DNM2: variants seen among roughly 807,000 people sequenced by gnomAD.
The protein encoded by DNM2 is dynamin 2, also known as dynamin-2.
DNM2 carries 15 observed loss-of-function variants against 99.0 expected under a neutral mutation model. The ratio of observed to expected loss-of-function variants is 0.15; its 90% confidence interval spans 0.10 to 0.23. The LOEUF (loss-of-function observed/expected upper bound fraction) is 0.23. Among genes scored for constraint, DNM2 ranks in the 10% least tolerant of loss-of-function variants. The pLI is 1.00. For missense variants in DNM2, 742 were observed against 1,189.4 expected (o/e 0.62, Z 5.53); for synonymous variants, 525 against 481.2 (o/e 1.09, Z -1.19).
chr19:10,745,603 A>C (rs2069937333), intron 1 of DNM2, among the ~76,000 whole-genome samples: 3 of 152,162 alleles, frequency 2.0e-5, no homozygotes, highest in Admixed American at 2.0e-4. Flanking sequence ...AGGCTGAGGG[A>C]GGAGGATCGC....
chr19:10,831,305 A>G lies in DNM2; in HGVS notation c.*258A>G. 1 of 1,264,266 alleles carries G rather than the reference A, an allele frequency of 7.9e-7. No homozygotes were observed. The highest frequency in any genetic ancestry group is 1.0e-6 in the Non-Finnish European group (1 of 1,004,578). 78.3% of individuals were successfully genotyped at this position (1,264,266 alleles called of 1,614,324 possible). ...GGGGGATGGAGTCTCAGGGTGGCAGAGGGGGGACCAGAACCCTTGACACCA... is the reference window on the plus strand; with the variant it reads ...GGGGGATGGAGTCTCAGGGTGGCAGGGGGGGGACCAGAACCCTTGACACCA... On this transcript the variant is annotated 3_prime_UTR_variant, in exon 21 of 21. Coordinates refer to ENST00000389253, the MANE Select transcript of DNM2 (RefSeq NM_001005361.3). This position sits in a 1 kb window ranked among gnomAD's most constrained non-coding sequence, Gnocchi z 4.3.
chr19:10,734,342 CAAA>C (rs752387265), intron 1 of DNM2, among the ~76,000 whole-genome samples: 9 of 92,292 alleles, frequency 9.8e-5, no homozygotes, highest in Admixed American at 1.2e-4. Context: ...GACTCTGTCT[CAAA>C]AAAAAAAAAA....
At chr19:10,782,907 G>A in intron 5 of DNM2, 53 bp from the exon 6 acceptor site, 1 of 1,613,050 alleles carries the variant, frequency 6.2e-7, no homozygotes, top group Non-Finnish European at 8.5e-7. Flanking sequence ...CCCCGTGCCA[G>A]GTCCACTTGG....
In DNM2 at chr19:10,829,050, C is replaced by T. The variant is rs1488935368; in HGVS notation, c.2073C>T (p.Ile691=). Residue 691 remains isoleucine, a synonymous_variant, in exon 19 of 21, where the codon ATC becomes ATT. Transcript: ENST00000389253. ...CCTGCCCGCAGACGAAGGCCTTCAT[C>T]CACCACGAGCTGCTGGCCTACCTAT... is the stretch of plus-strand genomic sequence containing the variant. ...HLMINNTKAF[I]HHELLAYLYS... is the part of the protein sequence containing the mutation. 1 of 1,613,262 alleles carries T rather than the reference C, an allele frequency of 6.2e-7. No individual in the cohort carries two copies. Among genetic ancestry groups the T allele is most frequent in the Non-Finnish European group, 8.5e-7 (1 of 1,179,800 alleles).
intron 7 of DNM2, among the ~76,000 whole-genome samples, chr19:10,787,737 C>T (rs8107372): frequency 0.56 from 80,861 of 144,404 alleles, 22,683 homozygotes; most frequent in Admixed American, 0.61. Flanking sequence ...CCTGGGTGAT[C>T]GAGCAAGACT....
chr19:10,751,672 C>A (rs755640263), intron 1 of DNM2, among the ~76,000 whole-genome samples: 1 of 152,214 alleles, frequency 6.6e-6, no homozygotes, highest in Non-Finnish European at 1.5e-5. Context: ...GAAGCAAAAT[C>A]GGATAAGTCC....
chr19:10,724,957 C>T (rs1380657506), intron 1 of DNM2, among the ~76,000 whole-genome samples: 1 of 152,240 alleles, frequency 6.6e-6, no homozygotes, highest in Non-Finnish European at 1.5e-5. Flanking sequence ...GGGGCACTGC[C>T]TGTGCCTCAG....
rs1191136671 is a variant in DNM2, at chr19:10,796,858, G to A, written c.1197-522G>A. Among the ~76,000 whole-genome samples the A allele has an allele frequency of 6.6e-6, 1 of 152,082 alleles. No homozygotes were observed. The highest frequency in any genetic ancestry group is 1.9e-4 in the East Asian group (1 of 5,160). On this transcript the variant is annotated intron_variant, in intron 9 of 20. Coordinates refer to ENST00000389253, the MANE Select transcript of DNM2 (RefSeq NM_001005361.3). This position sits in a 1 kb window ranked among gnomAD's most constrained non-coding sequence, Gnocchi z 5.6. ...AACCCGCGCCAACGCCGCGGGCCTGGTTCCCAGGGCAGCACGCTTTGGCCA... is the reference window on the plus strand; with the variant it reads ...AACCCGCGCCAACGCCGCGGGCCTGATTCCCAGGGCAGCACGCTTTGGCCA...
At position 10,805,940 on chromosome 19, in the gene DNM2, GAAC is replaced by G; in HGVS notation, c.1521_1523del (p.Asn507del). 1 of 1,614,120 alleles carries G rather than the reference GAAC, an allele frequency of 6.2e-7. No homozygotes were observed. Among genetic ancestry groups the G allele is most frequent in the Non-Finnish European group, 8.5e-7 (1 of 1,180,026 alleles). ...GTGCCCAGCAGAGGAGCACGCAGCTGAACAAGAAGAGAGCCATCCCCAATCAGG... is the reference window on the plus strand; with the variant it reads ...GTGCCCAGCAGAGGAGCACGCAGCTGAAGAAGAGAGCCATCCCCAATCAGG... On this transcript the variant is annotated inframe_deletion, in exon 13 of 21. Transcript: ENST00000389253.
rs926636484 is a variant in DNM2, at chr19:10,759,940, T to C, written c.235+129T>C. Reference sequence around the variant, plus strand: ...GGACATTGAATTCACGTGTTCCACATGTGTGAGGAAATTGAAAAACGGCTC... The same window carrying C: ...GGACATTGAATTCACGTGTTCCACACGTGTGAGGAAATTGAAAAACGGCTC... On this transcript the variant is annotated intron_variant, in intron 2 of 20. Coordinates refer to ENST00000389253, the MANE Select transcript of DNM2 (RefSeq NM_001005361.3). 1.0e-5 allele frequency: 13 copies of C among 1,294,196 alleles called. No individual in the cohort carries two copies. In the African/African-American group the frequency reaches 1.8e-4, roughly 17 times the overall value. 80.2% of individuals were successfully genotyped at this position (1,294,196 alleles called of 1,614,324 possible). A position where few individuals can be genotyped will look rare whatever the true frequency, so the allele number is the denominator to read the frequency against.
At chr19:10,824,093 C>T (rs529758599) in intron 17 of DNM2, 194 bp downstream of exon 17, 21 of 604,832 alleles carry the variant, frequency 3.5e-5, no homozygotes, top group African/African-American at 1.7e-4. Context: ...AGTTCCCTCA[C>T]GGAAGCCAGT....
In DNM2 at chr19:10,820,167, C is replaced by T; in HGVS notation, c.1781+78C>T. 1 of 1,388,152 alleles carries T rather than the reference C, an allele frequency of 7.2e-7. No individual in the cohort carries two copies. Among genetic ancestry groups the T allele is most frequent in the Non-Finnish European group, 1.0e-6 (1 of 978,152 alleles). 86.0% of individuals were successfully genotyped at this position (1,388,152 alleles called of 1,614,324 possible). ...TTCACACTCCACAACCTTCACTGAGCACTGAGCACCTGGCTGTCAGCAGTC... is the reference window on the plus strand; with the variant it reads ...TTCACACTCCACAACCTTCACTGAGTACTGAGCACCTGGCTGTCAGCAGTC... On this transcript the variant is annotated intron_variant, in intron 16 of 20. Transcript: ENST00000389253. The surrounding 1 kb of genome is among the most constrained non-coding windows in gnomAD (Gnocchi z 4.3).
intron 11 of DNM2, among the ~76,000 whole-genome samples, chr19:10,799,534 GTT>G (rs897961120): frequency 1.3e-4 from 14 of 106,502 alleles, no homozygotes; most frequent in African/African-American, 2.2e-4. Context: ...GTGGTTTTTT[GTT>G]TTTTTTTTTT....
chr19:10,763,063 CTTTTT>C (rs2070686351), intron 2 of DNM2: 1 of 152,860 alleles, frequency 6.5e-6, no homozygotes, highest in Non-Finnish European at 1.5e-5. Flanking sequence ...TCTCTGTCTC[CTTTTT>C]TGTTTTGTTT....
chr19:10,773,480 G>A (rs918266615), intron 3 of DNM2, among the ~76,000 whole-genome samples: 13 of 142,208 alleles, frequency 9.1e-5, no homozygotes, highest in African/African-American at 1.8e-4. Context: ...ACAGAGTCTC[G>A]CTCTGTTGCC....
intron 18 of DNM2, among the ~76,000 whole-genome samples, chr19:10,825,565 A>G (rs1283392511): frequency 1.3e-5 from 2 of 152,156 alleles, no homozygotes; most frequent in African/African-American, 4.8e-5. Flanking sequence ...GCTACTCAGG[A>G]GGCTGAGGCA....
Position 10,765,363 on chromosome 19 carries a change from G to A in DNM2, c.235+5552G>A, listed in dbSNP as rs1313588169. Reference sequence around the variant, plus strand: ...CGCCGAGCAGGTGCTCCGCATGCACGGCCGAGTGAACGAGCTCAAAGGGCT... The same window carrying A: ...CGCCGAGCAGGTGCTCCGCATGCACAGCCGAGTGAACGAGCTCAAAGGGCT... On this transcript the variant is annotated intron_variant, in intron 2 of 20. Coordinates refer to ENST00000389253, the MANE Select transcript of DNM2 (RefSeq NM_001005361.3). The surrounding 1 kb of genome is among the most constrained non-coding windows in gnomAD (Gnocchi z 4.4). 6.6e-6 allele frequency among the ~76,000 whole-genome samples: 1 copy of A among 152,242 alleles called. No homozygotes were observed.
chr19:10,732,299 G>T (rs75655897), intron 1 of DNM2, among the ~76,000 whole-genome samples: 5 of 91,020 alleles, frequency 5.5e-5, no homozygotes, highest in Admixed American at 2.6e-4. Flanking sequence ...TCGTTGTGGA[G>T]AAAAAAAAAA....
At chr19:10,743,809 C>CAAAAAAAAAA (rs35999203) in intron 1 of DNM2, among the ~76,000 whole-genome samples, 10 of 32,632 alleles carry the variant, frequency 3.1e-4, no homozygotes, top group African/African-American at 3.0e-4. Context: ...GACTCTGTCT[C>CAAAAAAAAAA]AAAAAAAAAA....
Sources: allele counts gnomAD v4.1 joint callset (sites outside exome capture counted in the v4.1 genomes callset), GRCh38; gene constraint gnomAD v4.1.1; non-coding constraint Gnocchi (gnomAD v3.1); transcripts MANE v1.5; gene names NCBI Gene and HGNC (gene_info 2026-07-23, HGNC 2026-07-21).